WNT2: variants seen among roughly 807,000 people sequenced by gnomAD.
The protein encoded by WNT2 is protein Wnt-2.
A neutral mutation model predicts 36.9 loss-of-function variants in WNT2; 12 were observed. That is an observed-to-expected ratio of 0.33 (90% CI 0.21 to 0.53). The LOEUF (loss-of-function observed/expected upper bound fraction) is 0.53. WNT2 is among the 20% of genes least tolerant of loss of function. The pLI is 0.95. For synonymous variants in WNT2, 163 were observed against 174.6 expected, an observed-to-expected ratio of 0.93 and a Z score of 0.52; for missense variants, 379 against 473.1, an observed-to-expected ratio of 0.80 and a Z score of 1.84.
chr7:117,291,995 TCGAACTCCCA>T lies in WNT2; in HGVS notation c.853+5607_853+5616del, dbSNP rs564720486. 7.1e-3 allele frequency among the ~76,000 whole-genome samples: 1,077 copies of T among 152,302 alleles called. 14 individuals carry two copies. Among genetic ancestry groups the T allele is most frequent in the African/African-American group, 0.025 (1,021 of 41,568 alleles). On this transcript the variant is annotated intron_variant, in intron 4 of 4. Transcript: ENST00000265441. ...TTTGTTCATGTTGGTCAGGCTGGTC[TCGAACTCCCA>T]AACTCAGGTGAGCCGCCCTCCTCGG... is the stretch of plus-strand genomic sequence containing the variant.
intron 4 of WNT2, among the ~76,000 whole-genome samples, chr7:117,292,964 T>C (rs1794718635): frequency 6.6e-6 from 1 of 151,986 alleles, no homozygotes; most frequent in African/African-American, 2.4e-5. Flanking sequence ...AACTTTGAGG[T>C]GTTTAAGTTT....
rs750454001 is a variant in WNT2, at chr7:117,297,774, C to T, written c.691G>A (p.Gly231Ser). 1 of 1,614,144 alleles carries T rather than the reference C, an allele frequency of 6.2e-7. No individual in the cohort carries two copies. Among genetic ancestry groups the T allele is most frequent in the Non-Finnish European group, 8.5e-7 (1 of 1,180,030 alleles). The change falls in exon 4 of 5, where the codon GGC becomes AGC. Residue 231 changes from glycine (G) to serine (S), a missense_variant. Coordinates refer to ENST00000265441, the MANE Select transcript of WNT2 (RefSeq NM_003391.3). ...TTGTACTTCCTCCAGAGATAATCGCCCGTTTTCCTGAAGTCGGCCATGGCC... is the reference window on the plus strand; with the variant it reads ...TTGTACTTCCTCCAGAGATAATCGCTCGTTTTCCTGAAGTCGGCCATGGCC... ...WLAMADFRKT[G>S]DYLWRKYNGA...
intron 4 of WNT2, among the ~76,000 whole-genome samples, chr7:117,296,024 A>G (rs1423665722): frequency 6.6e-6 from 1 of 152,206 alleles, no homozygotes; most frequent in Non-Finnish European, 1.5e-5. Flanking sequence ...TCAGCCCAGT[A>G]CCCAGTGCAC....
At chr7:117,302,096 C>T (rs763833299) in intron 3 of WNT2, among the ~76,000 whole-genome samples, 1 of 152,058 alleles carries the variant, frequency 6.6e-6, no homozygotes, top group Non-Finnish European at 1.5e-5. Context: ...GTGCCCAACC[C>T]CCTCCATTCT....
In WNT2 at chr7:117,322,897, G is replaced by A. The variant is rs373640288; in HGVS notation, c.83+10C>T. 13 of 1,613,214 alleles carry A rather than the reference G, an allele frequency of 8.1e-6. No individual in the cohort carries two copies. The highest frequency in any genetic ancestry group is 1.6e-4 in the Middle Eastern group (1 of 6,062). On this transcript the variant is annotated intron_variant, in intron 1 of 4. Transcript: ENST00000265441. This position sits in a 1 kb window ranked among gnomAD's most constrained non-coding sequence, Gnocchi z 5.4. ...TCCAAAATCCCCCGCGCCCGTGCGC[G>A]TGGACTTACCACCATGAAGAGTTGA...
rs1584685780 is a variant in WNT2, at chr7:117,299,105, A to G, written c.589-1229T>C. The stretch of plus-strand genomic sequence containing the variant: ...CTCTCCCAGTTACAGGGACCTGGGC[A>G]TCTTTAAAGGATGTCTTAGAATGAA... On this transcript the variant is annotated intron_variant, in intron 3 of 4. Coordinates refer to ENST00000265441, the MANE Select transcript of WNT2 (RefSeq NM_003391.3). Among the ~76,000 whole-genome samples the G allele has an allele frequency of 2.0e-5, 3 of 152,344 alleles. No individual in the cohort carries two copies. The East Asian group carries it at 5.8e-4, about 29-fold the overall frequency.
chr7:117,297,633 A>G lies in WNT2; in HGVS notation c.832T>C (p.Cys278Arg). 2.5e-6 allele frequency: 4 copies of G among 1,613,044 alleles called. No individual in the cohort carries two copies. The highest frequency in any genetic ancestry group is 3.4e-6 in the Non-Finnish European group (4 of 1,179,016). Residue 278 changes from cysteine to arginine, a missense_variant, in exon 4 of 5, where the codon TGT (cysteine) becomes CGT (arginine). Transcript: ENST00000265441. ...TTACCTGCCTCTCGGTCCCTGATAC[A>G]GTAGTCTGGAGAATTCTCAAAATAC... ...LVYFENSPDY[C>R]IRDREAGSLG...
At chr7:117,301,133 G>C (rs1273050816) in intron 3 of WNT2, 1 of 152,214 alleles carries the variant, frequency 6.6e-6, no homozygotes, top group Non-Finnish European at 1.5e-5. Flanking sequence ...GTGGATTAAT[G>C]ACAGGCTTTA....
chr7:117,313,474 T>A (rs1376994511), intron 3 of WNT2, among the ~76,000 whole-genome samples: 4 of 152,232 alleles, frequency 2.6e-5, no homozygotes, highest in Non-Finnish European at 5.9e-5. Context: ...AAAGTTGTGT[T>A]TATTCAGGGC....
At position 117,284,294 on chromosome 7, in the gene WNT2, G is replaced by C. The variant is rs1251438090; in HGVS notation, c.854-5910C>G. Reference sequence around the variant, plus strand: ...GCAGTAGGGCCATACTGTTCCATTGGTCTTTCCAAAACAGAAAGCATCACC... The same window carrying C: ...GCAGTAGGGCCATACTGTTCCATTGCTCTTTCCAAAACAGAAAGCATCACC... On this transcript the variant is annotated intron_variant, in intron 4 of 4. Coordinates refer to ENST00000265441, the MANE Select transcript of WNT2 (RefSeq NM_003391.3). The surrounding 1 kb of genome is among the most constrained non-coding windows in gnomAD (Gnocchi z 5.2). 6.6e-6 allele frequency among the ~76,000 whole-genome samples: 1 copy of C among 152,108 alleles called. No homozygotes were observed. The highest frequency in any genetic ancestry group is 1.5e-5 in the Non-Finnish European group (1 of 68,008).
chr7:117,278,427 G>A (rs1423772135), intron 4 of WNT2, 43 bp from the exon 5 acceptor site: 37 of 1,567,296 alleles, frequency 2.4e-5, no homozygotes, highest in Non-Finnish European at 3.1e-5. Flanking sequence ...GGTCTGGGTG[G>A]AATCCAATAT....
intron 2 of WNT2, among the ~76,000 whole-genome samples, chr7:117,318,292 T>G (rs1795258097): frequency 6.6e-6 from 1 of 152,226 alleles, no homozygotes. Flanking sequence ...TGGAATTTCT[T>G]GATTATTTCC....
chr7:117,297,203 T>C (rs1403220005), intron 4 of WNT2, among the ~76,000 whole-genome samples: 1 of 152,226 alleles, frequency 6.6e-6, no homozygotes, highest in Non-Finnish European at 1.5e-5. Flanking sequence ...ATTTCTCCAG[T>C]TGCTTAGGAG....
chr7:117,305,183 A>G (rs1180319878), intron 3 of WNT2, among the ~76,000 whole-genome samples: 1 of 152,150 alleles, frequency 6.6e-6, no homozygotes, highest in Non-Finnish European at 1.5e-5. Context: ...CAAAACTGAT[A>G]CTTTTAGTCC....
rs527806055 is a variant in WNT2, at chr7:117,304,195, T to C, written c.589-6319A>G. ...GTATAGAATTCTGGATTTAAAACTTTGAAAGTATACCTCCACAGGCTTTTG... is the reference window on the plus strand; with the variant it reads ...GTATAGAATTCTGGATTTAAAACTTCGAAAGTATACCTCCACAGGCTTTTG... On this transcript the variant is annotated intron_variant, in intron 3 of 4. Transcript: ENST00000265441. 5.3e-5 allele frequency among the ~76,000 whole-genome samples: 8 copies of C among 152,340 alleles called. No individual in the cohort carries two copies. In the East Asian group the frequency reaches 1.3e-3, roughly 26 times the overall value.
chr7:117,313,207 C>T (rs1018753424), intron 3 of WNT2, among the ~76,000 whole-genome samples: 4 of 152,072 alleles, frequency 2.6e-5, no homozygotes, highest in African/African-American at 4.8e-5. Context: ...GTCTAATGAC[C>T]GCAAGAAGAG....
Position 117,284,082 on chromosome 7 carries a change from C to T in WNT2, c.854-5698G>A, listed in dbSNP as rs1474473614. ...ATTGGCCCTGTTTGGGGGTTTGGAT[C>T]TAATTAGATCTAATGACAGGCTGTA... On this transcript the variant is annotated intron_variant, in intron 4 of 4. Transcript: ENST00000265441. The surrounding 1 kb of genome is among the most constrained non-coding windows in gnomAD (Gnocchi z 5.2). 6.6e-6 allele frequency among the ~76,000 whole-genome samples: 1 copy of T among 152,098 alleles called. No homozygotes were observed. Among genetic ancestry groups the T allele is most frequent in the Non-Finnish European group, 1.5e-5 (1 of 68,022 alleles).
At chr7:117,321,177 G>A (rs573450476) in intron 1 of WNT2, among the ~76,000 whole-genome samples, 1 of 152,312 alleles carries the variant, frequency 6.6e-6, no homozygotes, top group Admixed American at 6.5e-5. Flanking sequence ...TCAGATCTCA[G>A]TGACACAATG....
chr7:117,320,167 T>G (rs543933901), intron 2 of WNT2, among the ~76,000 whole-genome samples: 38 of 152,236 alleles, frequency 2.5e-4, no homozygotes, highest in African/African-American at 9.2e-4. Context: ...GAGAAAAGAT[T>G]TGAAGATTCT....
Sources: allele counts gnomAD v4.1 joint callset (sites outside exome capture counted in the v4.1 genomes callset), GRCh38; gene constraint gnomAD v4.1.1; non-coding constraint Gnocchi (gnomAD v3.1); transcripts MANE v1.5; gene names NCBI Gene and HGNC (gene_info 2026-07-23, HGNC 2026-07-21).